The following NALF1 variants were observed in gnomAD, a reference collection of about 807,000 sequenced individuals.
NALF1 encodes the protein family with sequence similarity 155 member A.
In NALF1, 3 loss-of-function variants were observed where a neutral mutation model predicts 48.4. The observed-to-expected ratio is 0.06, with a 90% confidence interval of 0.03 to 0.16. The LOEUF (loss-of-function observed/expected upper bound fraction) is 0.16. NALF1 is among the 10% of genes least tolerant of loss of function. NALF1 has a pLI of 1.00. For missense variants in NALF1, 526 were observed against 571.5 expected (o/e 0.92, Z 0.81); for synonymous variants, 262 against 245.7 (o/e 1.07, Z -0.62).
intron 2 of NALF1, among the ~76,000 whole-genome samples, chr13:107,176,316 GTTT>G (rs5806633): frequency 0.42 from 51,752 of 123,344 alleles, 8,983 homozygotes; most frequent in Middle Eastern, 0.48. Flanking sequence ...CAACCTCACA[GTTT>G]TTTTTTTTTT....
At chr13:107,412,415 T>A (rs1163061883) in intron 1 of NALF1, among the ~76,000 whole-genome samples, 1 of 152,130 alleles carries the variant, frequency 6.6e-6, no homozygotes. Context: ...CACTAAAACC[T>A]TCAGGGCTCC....
intron 1 of NALF1, among the ~76,000 whole-genome samples, chr13:107,236,890 A>C (rs950222458): frequency 6.6e-6 from 1 of 152,220 alleles, no homozygotes; most frequent in Non-Finnish European, 1.5e-5. Context: ...ATAGCATAAT[A>C]ACTATTTTAC....
At chr13:107,430,132 A>C (rs566119008) in intron 1 of NALF1, among the ~76,000 whole-genome samples, 101 of 152,326 alleles carry the variant, frequency 6.6e-4, no homozygotes, top group African/African-American at 2.1e-3. Context: ...GAACTTATTT[A>C]TTCATTCATG....
chr13:107,204,894 G>T (rs1488161826), intron 2 of NALF1, among the ~76,000 whole-genome samples: 1 of 143,168 alleles, frequency 7.0e-6, no homozygotes, highest in African/African-American at 2.5e-5. Flanking sequence ...ATGAACATAC[G>T]CATACGCAGG....
chr13:107,207,241 A>G (rs1468904780), intron 2 of NALF1, among the ~76,000 whole-genome samples: 1 of 152,168 alleles, frequency 6.6e-6, no homozygotes, highest in African/African-American at 2.4e-5. Context: ...ATTTATTAAA[A>G]TATTTTGTAT....
At chr13:107,337,995 T>C (rs1882592291) in intron 1 of NALF1, among the ~76,000 whole-genome samples, 1 of 152,230 alleles carries the variant, frequency 6.6e-6, no homozygotes, top group African/African-American at 2.4e-5. Flanking sequence ...CTGGCATTCA[T>C]CAGTAACTAA....
At chr13:107,414,150 T>C (rs983941735) in intron 1 of NALF1, among the ~76,000 whole-genome samples, 2 of 152,264 alleles carry the variant, frequency 1.3e-5, no homozygotes, top group East Asian at 1.9e-4. Flanking sequence ...AATAATTTAT[T>C]ATTATAAGCA....
intron 1 of NALF1, among the ~76,000 whole-genome samples, chr13:107,766,567 C>T (rs1417374464): frequency 6.6e-6 from 1 of 152,060 alleles, no homozygotes; most frequent in Non-Finnish European, 1.5e-5. Flanking sequence ...CGTTAATGAT[C>T]AATACATATT....
chr13:107,185,106 G>T (rs1203178532), intron 2 of NALF1, among the ~76,000 whole-genome samples: 1 of 152,188 alleles, frequency 6.6e-6, no homozygotes, highest in Non-Finnish European at 1.5e-5. Context: ...CGCAACTACA[G>T]GTCAAGGAGT....
intron 1 of NALF1, among the ~76,000 whole-genome samples, chr13:107,529,717 C>A (rs1359514270): frequency 6.6e-6 from 1 of 152,076 alleles, no homozygotes; most frequent in Non-Finnish European, 1.5e-5. Context: ...TTAATTACAT[C>A]TTTTTCCTTT....
intron 1 of NALF1, among the ~76,000 whole-genome samples, chr13:107,313,853 C>T (rs917707261): frequency 2.0e-5 from 3 of 152,090 alleles, no homozygotes; most frequent in African/African-American, 7.2e-5. Context: ...CCAGACCGAA[C>T]CAATGTACAT....
intron 1 of NALF1, among the ~76,000 whole-genome samples, chr13:107,257,252 AC>A (rs1880835179): frequency 1.3e-5 from 2 of 152,198 alleles, no homozygotes; most frequent in African/African-American, 4.8e-5. Context: ...GGGTGGGGAC[AC>A]AGAGCCGAAC....
At chr13:107,371,481 T>G (rs570971736) in intron 1 of NALF1, among the ~76,000 whole-genome samples, 4 of 132,360 alleles carry the variant, frequency 3.0e-5, no homozygotes, top group Non-Finnish European at 6.7e-5. Flanking sequence ...AAATAAATAG[T>G]TTCAAGATAT....
rs1878700664 is a variant in NALF1 at position 107,167,927 on chromosome 13, A to C, written c.*2570T>G. The C allele has an allele frequency of 6.6e-6, 1 of 152,238 alleles. No homozygotes were observed. Among genetic ancestry groups the C allele is most frequent in the African/African-American group, 2.4e-5 (1 of 41,466 alleles). 9.4% of individuals were successfully genotyped at this position (152,238 alleles called of 1,614,324 possible). On this transcript the variant is annotated 3_prime_UTR_variant, in exon 3 of 3. Coordinates refer to ENST00000375915, the MANE Select transcript of NALF1 (RefSeq NM_001080396.3). ...ACTTTAGTCAGTTCAAAATATATTG[A>C]GAAAATGAAAACCTATATTTTAAGG...
chr13:107,480,714 C>T (rs750035390), intron 1 of NALF1, among the ~76,000 whole-genome samples: 7 of 152,158 alleles, frequency 4.6e-5, no homozygotes, highest in Non-Finnish European at 1.0e-4. Context: ...TACTATAGAA[C>T]ATTTAAATCT....
intron 1 of NALF1, among the ~76,000 whole-genome samples, chr13:107,230,043 C>T (rs747263266): frequency 3.3e-4 from 50 of 152,188 alleles, no homozygotes; most frequent in Non-Finnish European, 5.9e-4. Flanking sequence ...GGTGAAATCA[C>T]GGGTCAGCTA....
At chr13:107,318,442 A>C (rs1242410172) in intron 1 of NALF1, among the ~76,000 whole-genome samples, 1 of 152,108 alleles carries the variant, frequency 6.6e-6, no homozygotes, top group Non-Finnish European at 1.5e-5. Flanking sequence ...CCATGTTATG[A>C]GTACCACTTT....
intron 1 of NALF1, among the ~76,000 whole-genome samples, chr13:107,531,489 T>C (rs894931078): frequency 6.6e-6 from 1 of 152,090 alleles, no homozygotes; most frequent in Non-Finnish European, 1.5e-5. Context: ...TGAAGAATCA[T>C]GAGCCAATTA....
intron 1 of NALF1, among the ~76,000 whole-genome samples, chr13:107,742,250 G>A (rs1876659902): frequency 6.6e-6 from 1 of 152,094 alleles, no homozygotes; most frequent in Non-Finnish European, 1.5e-5. Context: ...TTATTCTAGA[G>A]GTCTCATCTA....
Sources: allele counts gnomAD v4.1 joint callset (sites outside exome capture counted in the v4.1 genomes callset), GRCh38; gene constraint gnomAD v4.1.1; transcripts MANE v1.5; gene names NCBI Gene and HGNC (gene_info 2026-07-23, HGNC 2026-07-21).